The following FBXW7 variants were observed in gnomAD, a reference collection of about 807,000 sequenced individuals.
The protein encoded by FBXW7 is F-box/WD repeat-containing protein 7.
A neutral mutation model predicts 86.3 loss-of-function variants in FBXW7; 11 were observed. The observed-to-expected ratio is 0.13, with a 90% CI of 0.08 to 0.21. The LOEUF is 0.21. FBXW7 is among the 10% of genes least tolerant of loss of function. The probability of loss-of-function intolerance (pLI) is 1.00; values close to 1 mark genes in which losing one functional copy is unlikely to be tolerated. For missense variants in FBXW7, 488 were observed against 847.4 expected, an observed-to-expected ratio of 0.58 and a Z score of 5.27; for synonymous variants, 313 against 297.9, an observed-to-expected ratio of 1.05 and a Z score of -0.52.
intron 2 of FBXW7, among the ~76,000 whole-genome samples, chr4:152,452,429 T>C (rs369434702): frequency 1.2e-4 from 18 of 152,212 alleles, no homozygotes; most frequent in South Asian, 2.1e-4. Flanking sequence ...CACTTTAGAA[T>C]AGCAAGTATA....
chr4:152,375,130 C>T (rs1734378750), intron 4 of FBXW7, among the ~76,000 whole-genome samples: 1 of 151,796 alleles, frequency 6.6e-6, no homozygotes. Context: ...AATGACAAAG[C>T]TATGACAGAA....
In FBXW7 at chr4:152,535,294, T is replaced by A; in HGVS notation, c.-380A>T. On this transcript the variant is annotated 5_prime_UTR_variant, in exon 1 of 14. Transcript: ENST00000281708. The stretch of plus-strand genomic sequence containing the variant: ...CGGGTCCCCCCCGGCCCCGCCGCCC[T>A]CGGGACTGGGGCGGGGGAGGGGGGC... The A allele has an allele frequency of 3.5e-6, 1 of 282,062 alleles. No individual in the cohort carries two copies. Among genetic ancestry groups the A allele is most frequent in the Non-Finnish European group, 6.6e-6 (1 of 152,284 alleles). The allele number at this position is 282,062 out of a possible 1,614,324, so 17.5% of individuals were successfully genotyped here.
chr4:152,338,838 A>G (rs981959977), intron 6 of FBXW7, among the ~76,000 whole-genome samples: 1 of 152,166 alleles, frequency 6.6e-6, no homozygotes, highest in African/African-American at 2.4e-5. Flanking sequence ...ATCTATACTG[A>G]TTTAAGTACC....
At chr4:152,329,868 AAACAGG>A in intron 9 of FBXW7, 83 bp from the exon 10 acceptor site, 1 of 634,782 alleles carries the variant, frequency 1.6e-6, no homozygotes, top group Non-Finnish European at 2.5e-6. Context: ...ATGAAGGCAT[AAACAGG>A]AACAGTAATT....
rs1731675112 is a variant in FBXW7 at position 152,350,246 on chromosome 4, A to G, written c.502-122T>C. 6 of 477,902 alleles carry G rather than the reference A, an allele frequency of 1.3e-5. No individual in the cohort carries two copies. In the East Asian group the frequency reaches 2.0e-4, roughly 16 times the overall value. The allele number at this position is 477,902 out of a possible 1,614,324, so 29.6% of individuals were successfully genotyped here. On this transcript the variant is annotated intron_variant, in intron 4 of 13. Transcript: ENST00000281708. ...TATGCCTACAATGTTAATTAAATAT[A>G]TAAAATAAATGTTTCATAGTTTCTT...
Position 152,482,692 on chromosome 4 carries a change from T to C in FBXW7, c.-120+52249A>G, listed in dbSNP as rs370339718. Among the ~76,000 whole-genome samples, 4 of 152,132 alleles carry C rather than the reference T, an allele frequency of 2.6e-5. No individual in the cohort carries two copies. In the East Asian group the frequency reaches 7.7e-4, roughly 29 times the overall value. Reference sequence around the variant, plus strand: ...ATATTTTCTGGTAGACAGAACAGGGTGGGGGGAGAGATATTTCTTTATTTA... The same window carrying C: ...ATATTTTCTGGTAGACAGAACAGGGCGGGGGGAGAGATATTTCTTTATTTA... On this transcript the variant is annotated intron_variant, in intron 2 of 13. Transcript: ENST00000281708.
intron 4 of FBXW7, among the ~76,000 whole-genome samples, chr4:152,395,047 C>CATA (rs1010543055): frequency 1.3e-5 from 2 of 151,972 alleles, no homozygotes; most frequent in Admixed American, 1.3e-4. Context: ...CATGGGTGTG[C>CATA]ATAAGTGTGT....
intron 2 of FBXW7, among the ~76,000 whole-genome samples, chr4:152,473,107 G>A (rs951320939): frequency 1.5e-4 from 23 of 152,126 alleles, no homozygotes; most frequent in African/African-American, 4.8e-4. Flanking sequence ...AGCTGGGTGT[G>A]GTGATGTACA....
intron 2 of FBXW7, among the ~76,000 whole-genome samples, chr4:152,484,731 G>A (rs974365656): frequency 1.3e-5 from 2 of 152,188 alleles, no homozygotes; most frequent in Admixed American, 6.5e-5. Context: ...GGAGGCCAAG[G>A]TGGGTGGATC....
chr4:152,511,992 G>GA (rs1462084200), intron 2 of FBXW7, among the ~76,000 whole-genome samples: 1 of 152,042 alleles, frequency 6.6e-6, no homozygotes, highest in African/African-American at 2.4e-5. Context: ...AAGTTAACCA[G>GA]AAAATCAATG....
intron 2 of FBXW7, among the ~76,000 whole-genome samples, chr4:152,480,676 T>C (rs980236204): frequency 1.3e-5 from 2 of 152,142 alleles, no homozygotes; most frequent in Non-Finnish European, 2.9e-5. Context: ...ACATGAATAA[T>C]AGGAACAAGA....
chr4:152,328,054 G>A (rs1269910208), intron 11 of FBXW7, among the ~76,000 whole-genome samples, 154 bp downstream of exon 11: 2 of 151,914 alleles, frequency 1.3e-5, no homozygotes, highest in Admixed American at 6.6e-5. Flanking sequence ...AAGACAAAAC[G>A]CTATGGCTTT....
chr4:152,413,920 T>TA (rs1371030175), intron 2 of FBXW7, among the ~76,000 whole-genome samples: 1 of 152,116 alleles, frequency 6.6e-6, no homozygotes, highest in Non-Finnish European at 1.5e-5. Context: ...AAAGTCCCTA[T>TA]AAATCACCAC....
At chr4:152,424,618 C>T (rs1045928150) in intron 2 of FBXW7, among the ~76,000 whole-genome samples, 2 of 152,180 alleles carry the variant, frequency 1.3e-5, no homozygotes, top group African/African-American at 2.4e-5. Context: ...GAATGGAGAA[C>T]GAAACCTGCT....
chr4:152,388,237 C>T (rs1490878028), intron 4 of FBXW7, among the ~76,000 whole-genome samples: 1 of 152,138 alleles, frequency 6.6e-6, no homozygotes, highest in Non-Finnish European at 1.5e-5. Context: ...GGACAACATA[C>T]TGCACTTCCC....
At chr4:152,486,431 TTTATC>T (rs1490530685) in intron 2 of FBXW7, among the ~76,000 whole-genome samples, 16 of 152,176 alleles carry the variant, frequency 1.1e-4, no homozygotes, top group Non-Finnish European at 1.6e-4. Context: ...TTTCTTTCCT[TTTATC>T]TTTATTTTAC....
chr4:152,324,002 C>T (rs1280421996), intron 13 of FBXW7, 182 bp downstream of exon 13: 2 of 575,468 alleles, frequency 3.5e-6, no homozygotes, highest in African/African-American at 1.9e-5. Context: ...ATTAAAAACA[C>T]AGTTTAAAAC....
chr4:152,347,219 A>G (rs755309632), intron 5 of FBXW7, 148 bp from the exon 6 acceptor site: 6 of 726,408 alleles, frequency 8.3e-6, no homozygotes, highest in Non-Finnish European at 1.3e-5. Flanking sequence ...CTTTCTTCCC[A>G]GAGATCACAG....
rs2714803 is a variant in FBXW7 at position 152,346,816 on chromosome 4, A to G, written c.726+114T>C. Reference sequence around the variant, plus strand: ...TTTCACTTGGCAGAATGATTTCAAAATTCATCCACAGTATACTATGTAACA... The same window carrying G: ...TTTCACTTGGCAGAATGATTTCAAAGTTCATCCACAGTATACTATGTAACA... On this transcript the variant is annotated intron_variant, in intron 6 of 13. Transcript: ENST00000281708. The G allele has an allele frequency of 0.99, 1,342,955 of 1,353,918 alleles. 666,730 individuals are homozygous for G. The highest frequency in any genetic ancestry group is 1 in the East Asian group (41,077 of 41,078). 83.9% of individuals were successfully genotyped at this position (1,353,918 alleles called of 1,614,324 possible).
Sources: allele counts gnomAD v4.1 joint callset (sites outside exome capture counted in the v4.1 genomes callset), GRCh38; gene constraint gnomAD v4.1.1; transcripts MANE v1.5; gene names NCBI Gene and HGNC (gene_info 2026-07-23, HGNC 2026-07-21).